Variants in KCNB2 observed in about 807,000 individuals in gnomAD.
KCNB2 encodes the protein delayed rectifier potassium channel protein.
Under a neutral mutation model 61.5 loss-of-function variants are expected in KCNB2, and 15 were observed. The ratio of observed to expected loss-of-function variants is 0.24; its 90% confidence interval spans 0.16 to 0.38. The LOEUF (loss-of-function observed/expected upper bound fraction) is 0.38, where lower values mean the gene tolerates loss of function less well. KCNB2 is among the 10% of genes least tolerant of loss of function. The pLI is 1.00. For missense variants in KCNB2, 828 were observed against 1,125.2 expected (o/e 0.74, Z 3.78); for synonymous variants, 457 against 446.0 (o/e 1.02, Z -0.31).
At chr8:72,889,662 G>A (rs573579415) in intron 2 of KCNB2, among the ~76,000 whole-genome samples, 10 of 151,744 alleles carry the variant, frequency 6.6e-5, no homozygotes, top group African/African-American at 1.9e-4. Flanking sequence ...ACTCCAGCCC[G>A]GGCAAGACAG....
intron 2 of KCNB2, among the ~76,000 whole-genome samples, chr8:72,808,838 C>G (rs886837983): frequency 6.6e-6 from 1 of 152,130 alleles, no homozygotes; most frequent in African/African-American, 2.4e-5. Context: ...ATCTTTTACA[C>G]ACCCATAGTA....
chr8:72,721,109 A>G (rs777687140), intron 2 of KCNB2, among the ~76,000 whole-genome samples: 19 of 152,262 alleles, frequency 1.2e-4, no homozygotes, highest in Non-Finnish European at 2.6e-4. Context: ...CTATGCCTAC[A>G]TTAAAGATAC....
chr8:72,681,746 C>A (rs554912717), intron 2 of KCNB2, among the ~76,000 whole-genome samples: 1 of 152,166 alleles, frequency 6.6e-6, no homozygotes, highest in African/African-American at 2.4e-5. Flanking sequence ...TTTACACCAG[C>A]ATCACCACAA....
chr8:72,753,179 T>A (rs1808228490), intron 2 of KCNB2, among the ~76,000 whole-genome samples: 1 of 152,130 alleles, frequency 6.6e-6, no homozygotes, highest in Non-Finnish European at 1.5e-5. Flanking sequence ...TTGGTAGGAG[T>A]GGTGGTAAAA....
At chr8:72,915,860 A>T (rs1311485409) in intron 2 of KCNB2, among the ~76,000 whole-genome samples, 1 of 152,220 alleles carries the variant, frequency 6.6e-6, no homozygotes, top group Non-Finnish European at 1.5e-5. Flanking sequence ...CGGAGCTTGC[A>T]GTGAGCAGAG....
chr8:72,780,777 A>G (rs1808740334), intron 2 of KCNB2, among the ~76,000 whole-genome samples: 1 of 152,182 alleles, frequency 6.6e-6, no homozygotes, highest in African/African-American at 2.4e-5. Context: ...TTCTGGTTCT[A>G]GGTCTTTGAG....
chr8:72,805,356 T>C (rs1008835926), intron 2 of KCNB2, among the ~76,000 whole-genome samples: 18 of 152,198 alleles, frequency 1.2e-4, no homozygotes, highest in African/African-American at 4.3e-4. Flanking sequence ...AGTTATCATT[T>C]CTACAATCAG....
At chr8:72,599,787 G>A (rs1337619939) in intron 2 of KCNB2, among the ~76,000 whole-genome samples, 1 of 151,976 alleles carries the variant, frequency 6.6e-6, no homozygotes, top group Non-Finnish European at 1.5e-5. Context: ...GTGGGCAAAG[G>A]ATATGAACAG....
intron 2 of KCNB2, among the ~76,000 whole-genome samples, chr8:72,724,580 A>C (rs2128993002): frequency 6.6e-6 from 1 of 152,312 alleles, no homozygotes; most frequent in South Asian, 2.1e-4. Context: ...ATACCTACCT[A>C]AAATTGCCAA....
chr8:72,594,401 G>T (rs547680951), intron 2 of KCNB2, among the ~76,000 whole-genome samples: 1 of 152,126 alleles, frequency 6.6e-6, no homozygotes, highest in African/African-American at 2.4e-5. Context: ...TATATAGTCA[G>T]GTAGAAGAAT....
chr8:72,743,624 G>A (rs1808005890), intron 2 of KCNB2, among the ~76,000 whole-genome samples: 1 of 152,128 alleles, frequency 6.6e-6, no homozygotes, highest in Admixed American at 6.5e-5. Flanking sequence ...TTCTAAATTG[G>A]ATAAATTGTA....
chr8:72,826,938 A>G (rs1809605221), intron 2 of KCNB2, among the ~76,000 whole-genome samples: 1 of 152,210 alleles, frequency 6.6e-6, no homozygotes, highest in Non-Finnish European at 1.5e-5. Context: ...TTTGCTTCTA[A>G]GTTTTCTGCC....
At chr8:72,895,220 T>A (rs1398776559) in intron 2 of KCNB2, among the ~76,000 whole-genome samples, 1 of 152,180 alleles carries the variant, frequency 6.6e-6, no homozygotes, top group Non-Finnish European at 1.5e-5. Context: ...GTGAAGGGAA[T>A]TAAGGTGCTG....
intron 1 of KCNB2, among the ~76,000 whole-genome samples, chr8:72,538,650 T>G (rs943699220): frequency 6.6e-6 from 1 of 152,186 alleles, no homozygotes; most frequent in African/African-American, 2.4e-5. Flanking sequence ...TTGAAAAAAA[T>G]TTAGTATGCA....
At chr8:72,728,906 GTAAA>G (rs1270234573) in intron 2 of KCNB2, among the ~76,000 whole-genome samples, 2 of 152,142 alleles carry the variant, frequency 1.3e-5, no homozygotes, top group Non-Finnish European at 2.9e-5. Flanking sequence ...TTGCAATAAA[GTAAA>G]TAAATAAAAC....
chr8:72,800,389 A>T (rs1809105414), intron 2 of KCNB2, among the ~76,000 whole-genome samples: 1 of 152,042 alleles, frequency 6.6e-6, no homozygotes, highest in African/African-American at 2.4e-5. Flanking sequence ...TCAACACCTG[A>T]CTCTTGACTA....
intron 2 of KCNB2, among the ~76,000 whole-genome samples, chr8:72,678,312 A>G (rs910370229): frequency 2.0e-5 from 3 of 152,182 alleles, no homozygotes; most frequent in African/African-American, 7.2e-5. Flanking sequence ...CTTTTAAAAC[A>G]TAGTCACATT....
chr8:72,540,009 G>A (rs572286426), intron 1 of KCNB2, among the ~76,000 whole-genome samples: 8 of 152,140 alleles, frequency 5.3e-5, no homozygotes, highest in Non-Finnish European at 8.8e-5. Context: ...GTCTGTCCAC[G>A]TGTTTTATAT....
chr8:72,627,478 T>G (rs1254541201), intron 2 of KCNB2, among the ~76,000 whole-genome samples: 2 of 152,238 alleles, frequency 1.3e-5, no homozygotes, highest in African/African-American at 4.8e-5. Context: ...CTGTACTTCT[T>G]TTGAAAATTG....
Sources: allele counts gnomAD v4.1 joint callset (sites outside exome capture counted in the v4.1 genomes callset), GRCh38; gene constraint gnomAD v4.1.1; transcripts MANE v1.5; gene names NCBI Gene and HGNC (gene_info 2026-07-23, HGNC 2026-07-21).